The following UGP2 variants were observed in gnomAD, a reference collection of about 807,000 sequenced individuals.
UGP2 encodes UDP-glucose pyrophosphorylase 2.
A neutral mutation model predicts 49.0 loss-of-function variants in UGP2; 40 were observed. The observed-to-expected ratio is 0.82, with a 90% CI of 0.63 to 1.06. The LOEUF is 1.06. Among genes scored for constraint, UGP2 ranks in the 50% least tolerant of loss-of-function variants. The pLI is 0.00. For synonymous variants in UGP2, 225 were observed against 213.0 expected (o/e 1.06, Z -0.49); for missense variants, 460 against 603.5 (o/e 0.76, Z 2.49).
intron 3 of UGP2, among the ~76,000 whole-genome samples, chr2:63,878,243 C>G (rs1395084434): frequency 6.6e-6 from 1 of 152,096 alleles, no homozygotes; most frequent in Non-Finnish European, 1.5e-5. Context: ...GATAGCTTGT[C>G]TTTGAAGCAG....
At chr2:63,889,829 GA>G (rs977140653) in intron 8 of UGP2, 11 of 275,708 alleles carry the variant, frequency 4.0e-5, no homozygotes, top group East Asian at 1.3e-4. Flanking sequence ...AAAAAAAAAA[GA>G]AAAAAAACCC....
intron 3 of UGP2, among the ~76,000 whole-genome samples, chr2:63,875,553 T>A (rs1012221751): frequency 3.3e-5 from 5 of 152,198 alleles, no homozygotes; most frequent in African/African-American, 4.8e-5. Context: ...AAGATCTTTT[T>A]AAAAATCTCA....
At chr2:63,853,224 T>G (rs775705994) in intron 1 of UGP2, among the ~76,000 whole-genome samples, 5 of 152,058 alleles carry the variant, frequency 3.3e-5, no homozygotes, top group Non-Finnish European at 7.4e-5. Context: ...GGAGGAATAT[T>G]CACAAATAAC....
intron 3 of UGP2, among the ~76,000 whole-genome samples, chr2:63,877,465 CT>C (rs1340221860): frequency 6.6e-6 from 1 of 152,188 alleles, no homozygotes; most frequent in Non-Finnish European, 1.5e-5. Context: ...TTTCTGAATA[CT>C]TTCTCATTTA....
At chr2:63,888,360 C>G (rs1261324438) in intron 8 of UGP2, 2 of 152,144 alleles carry the variant, frequency 1.3e-5, no homozygotes, top group Non-Finnish European at 2.9e-5. Flanking sequence ...TTGCCATAGG[C>G]TAATTGATAT....
chr2:63,882,514 T>C lies in UGP2; in HGVS notation c.304T>C (p.Ser102Pro). Residue 102 changes from serine (S) to proline (P), a missense_variant, in exon 4 of 10, where the codon TCT becomes CCT. By Grantham distance (74) the Ser-to-Pro change is moderately conservative (BLOSUM62 -1). Coordinates refer to ENST00000337130, the MANE Select transcript of UGP2 (RefSeq NM_006759.4). ...GGCCAGGGGCTTGCCTGATAATATA[T>C]CTTCCGTGTTGAACAAACTAGTGGT... ...IKARGLPDNISSVLNKLVVVK... is the reference protein window; with the variant it reads ...IKARGLPDNIPSVLNKLVVVK... The C allele has an allele frequency of 6.2e-7, 1 of 1,610,470 alleles. No individual in the cohort carries two copies. The highest frequency in any genetic ancestry group is 8.5e-7 in the Non-Finnish European group (1 of 1,177,402).
intron 3 of UGP2, among the ~76,000 whole-genome samples, chr2:63,860,643 G>A (rs1291740027): frequency 2.0e-5 from 3 of 151,866 alleles, no homozygotes; most frequent in Non-Finnish European, 4.4e-5. Context: ...CACTCAGGCT[G>A]GAGGGTAGTG....
chr2:63,858,977 A>C (rs1218109406), intron 3 of UGP2, among the ~76,000 whole-genome samples: 1 of 144,780 alleles, frequency 6.9e-6, no homozygotes, highest in Middle Eastern at 3.5e-3. Context: ...CTGGGTGTAG[A>C]AGTGTAGTTT....
At chr2:63,842,428 C>T (rs758783504) in intron 1 of UGP2, 37 of 1,563,680 alleles carry the variant, frequency 2.4e-5, no homozygotes, top group Non-Finnish European at 2.9e-5. Context: ...TTTTGCCTCC[C>T]TGAAATCAGG....
intron 1 of UGP2, among the ~76,000 whole-genome samples, chr2:63,845,588 T>G (rs1168272821): frequency 6.6e-6 from 1 of 152,114 alleles, no homozygotes; most frequent in Non-Finnish European, 1.5e-5. Flanking sequence ...TGGTTGTAGT[T>G]TTTATAACCT....
At chr2:63,881,105 C>G (rs1447888216) in intron 3 of UGP2, among the ~76,000 whole-genome samples, 1 of 152,152 alleles carries the variant, frequency 6.6e-6, no homozygotes, top group East Asian at 1.9e-4. Context: ...TTACACCAAA[C>G]AAGAAAGTGT....
chr2:63,849,273 C>T (rs1313518706), intron 1 of UGP2, among the ~76,000 whole-genome samples: 1 of 152,220 alleles, frequency 6.6e-6, no homozygotes, highest in African/African-American at 2.4e-5. Flanking sequence ...CTTTCTTTGA[C>T]AGTAGCTCTT....
chr2:63,848,325 G>A (rs1019330588), intron 1 of UGP2, among the ~76,000 whole-genome samples: 2 of 152,106 alleles, frequency 1.3e-5, no homozygotes, highest in Non-Finnish European at 2.9e-5. Context: ...GATTGTCCCA[G>A]GCACAATGAC....
intron 1 of UGP2, among the ~76,000 whole-genome samples, chr2:63,852,638 G>A (rs1476815992): frequency 1.3e-5 from 2 of 152,192 alleles, no homozygotes; most frequent in African/African-American, 4.8e-5. Flanking sequence ...GGCACTATTA[G>A]ATTAGAGTGA....
intron 3 of UGP2, among the ~76,000 whole-genome samples, chr2:63,866,593 T>A (rs906372443): frequency 6.6e-6 from 1 of 152,128 alleles, no homozygotes. Flanking sequence ...GAATGTGGTA[T>A]GCAGATACTC....
chr2:63,862,265 A>G (rs1031948671), intron 3 of UGP2, among the ~76,000 whole-genome samples: 1 of 152,168 alleles, frequency 6.6e-6, no homozygotes, highest in Non-Finnish European at 1.5e-5. Flanking sequence ...CTCTGAGGAC[A>G]TGGCTGAATA....
Position 63,842,177 on chromosome 2 carries a change from G to C in UGP2, c.-9G>C, listed in dbSNP as rs4671534. 0.18 allele frequency: 287,628 copies of C among 1,585,972 alleles called. 28,541 individuals are homozygous for C. The highest frequency in any genetic ancestry group is 0.2 in the Non-Finnish European group (230,328 of 1,172,490). On this transcript the variant is annotated 5_prime_UTR_variant, in exon 1 of 10. Coordinates refer to ENST00000337130, the MANE Select transcript of UGP2 (RefSeq NM_006759.4). ...AAAAAAAGCCGGAGTATTTTACTAA[G>C]CCCCTAAAATGTCGAGATTTGTACA... is the stretch of plus-strand genomic sequence containing the variant.
In UGP2 at chr2:63,841,999, T is replaced by C; in HGVS notation, c.-187T>C. On this transcript the variant is annotated 5_prime_UTR_variant, in exon 1 of 10. Transcript: ENST00000337130. The stretch of plus-strand genomic sequence containing the variant: ...TTTTGGAATTGGGGAAGGAGTTTCT[T>C]TCTTTCTTTTCTTTTTTCTTGAGCC... 1 of 656,032 alleles carries C rather than the reference T, an allele frequency of 1.5e-6. No individual in the cohort carries two copies. The highest frequency in any genetic ancestry group is 2.3e-6 in the Non-Finnish European group (1 of 441,182). 40.6% of individuals were successfully genotyped at this position (656,032 alleles called of 1,614,324 possible).
chr2:63,880,788 G>A (rs1276310325), intron 3 of UGP2, among the ~76,000 whole-genome samples: 1 of 151,900 alleles, frequency 6.6e-6, no homozygotes, highest in East Asian at 2.0e-4. Context: ...GAAGCGATCA[G>A]TGTGGTCTGC....
Sources: allele counts gnomAD v4.1 joint callset (sites outside exome capture counted in the v4.1 genomes callset), GRCh38; gene constraint gnomAD v4.1.1; transcripts MANE v1.5; gene names NCBI Gene and HGNC (gene_info 2026-07-23, HGNC 2026-07-21).